The following FGF14 variants were observed in gnomAD, a reference collection of about 807,000 sequenced individuals.
FGF14 encodes the protein fibroblast growth factor 14.
A neutral mutation model predicts 25.5 loss-of-function variants in FGF14; 5 were observed. The observed-to-expected ratio is 0.20, with a 90% confidence interval of 0.10 to 0.41. FGF14 has a LOEUF of 0.41. Among genes scored for constraint, FGF14 ranks in the 10% least tolerant of loss-of-function variants. The pLI is 1.00. For synonymous variants in FGF14, 138 were observed against 118.3 expected (o/e 1.17, Z -1.08); for missense variants, 222 against 320.1 (o/e 0.69, Z 2.34).
At chr13:102,019,637 A>G (rs1741696352) in intron 1 of FGF14, among the ~76,000 whole-genome samples, 2 of 152,270 alleles carry the variant, frequency 1.3e-5, no homozygotes, top group South Asian at 2.1e-4. Context: ...TTTAAAGCAT[A>G]CTGATTAAAT....
chr13:102,123,494 A>C (rs1280725802), intron 1 of FGF14, among the ~76,000 whole-genome samples: 2 of 152,176 alleles, frequency 1.3e-5, no homozygotes, highest in Non-Finnish European at 2.9e-5. Context: ...CAAGACACTA[A>C]CACCCAGAAT....
At chr13:102,041,008 T>A (rs745514436) in intron 1 of FGF14, among the ~76,000 whole-genome samples, 2 of 152,014 alleles carry the variant, frequency 1.3e-5, no homozygotes, top group South Asian at 2.1e-4. Context: ...CACCCTACCA[T>A]ACCCAGCAGG....
chr13:102,135,951 C>T (rs555961770), intron 1 of FGF14, among the ~76,000 whole-genome samples: 2 of 152,122 alleles, frequency 1.3e-5, no homozygotes, highest in Non-Finnish European at 2.9e-5. Flanking sequence ...CCACCACGCC[C>T]GGCCCCCGTT....
chr13:101,960,435 A>G (rs2036777331), intron 1 of FGF14, among the ~76,000 whole-genome samples: 1 of 152,122 alleles, frequency 6.6e-6, no homozygotes, highest in South Asian at 2.1e-4. Context: ...TTCAGCACCC[A>G]CTTATAAGTG....
chr13:102,156,908 C>T (rs1034258367), intron 1 of FGF14, among the ~76,000 whole-genome samples: 14 of 152,112 alleles, frequency 9.2e-5, no homozygotes, highest in East Asian at 3.9e-4. Context: ...CCATTCACAA[C>T]TGCTTCAAAG....
chr13:102,145,075 T>G (rs1421624202), intron 1 of FGF14, among the ~76,000 whole-genome samples: 1 of 152,144 alleles, frequency 6.6e-6, no homozygotes, highest in Admixed American at 6.6e-5. Context: ...GTGATTTGGG[T>G]TGCCAACAGT....
chr13:102,136,452 T>TAACAAC (rs139258268), intron 1 of FGF14, among the ~76,000 whole-genome samples: 2 of 152,128 alleles, frequency 1.3e-5, no homozygotes, highest in African/African-American at 4.8e-5. Context: ...ATGCCTCCCA[T>TAACAAC]AACAACAACA....
rs565662353 is a variant in FGF14, at chr13:102,272,227, C to T, written c.208+129244G>A. ...TTCCCTCTTTCACTTTCTTGGCTTG[C>T]TTTTTATTATCATGAAATTTGAGTT... On this transcript the variant is annotated intron_variant, in intron 1 of 4. Coordinates refer to the FGF14 transcript ENST00000376131. Among the ~76,000 whole-genome samples the T allele has an allele frequency of 3.0e-4, 45 of 152,214 alleles. No individual in the cohort carries two copies. In the East Asian group the frequency reaches 7.7e-3, roughly 26 times the overall value.
chr13:102,006,727 C>CTTTTTTTTTTTTTTTTTTTTTTTTT (rs774872814), intron 1 of FGF14, among the ~76,000 whole-genome samples: 4 of 61,966 alleles, frequency 6.5e-5, no homozygotes, highest in African/African-American at 2.9e-4. Context: ...AATCTTACTT[C>CTTTTTTTTTTTTTTTTTTTTTTTTT]TTTTTTTTTT....
intron 3 of FGF14, among the ~76,000 whole-genome samples, chr13:101,743,120 A>G (rs1210207777): frequency 1.3e-5 from 2 of 152,220 alleles, no homozygotes; most frequent in African/African-American, 4.8e-5. Flanking sequence ...ATGTAGCCCT[A>G]AAATGTATAA....
At chr13:101,871,763 T>C (rs1255463620) in intron 2 of FGF14, among the ~76,000 whole-genome samples, 3 of 152,090 alleles carry the variant, frequency 2.0e-5, no homozygotes, top group Non-Finnish European at 1.5e-5. Flanking sequence ...GAACTTTAAA[T>C]GAGAGTGGTA....
At chr13:101,841,501 A>G (rs1236272891) in intron 3 of FGF14, among the ~76,000 whole-genome samples, 1 of 152,024 alleles carries the variant, frequency 6.6e-6, no homozygotes, top group Non-Finnish European at 1.5e-5. Flanking sequence ...CATACATATT[A>G]TTTACTACTG....
chr13:102,316,395 G>C (rs780963765), intron 1 of FGF14, among the ~76,000 whole-genome samples: 1 of 152,108 alleles, frequency 6.6e-6, no homozygotes, highest in Non-Finnish European at 1.5e-5. Flanking sequence ...TCGCTCGCCT[G>C]AATATTTCTA....
chr13:102,333,819 G>A (rs2138852772), intron 1 of FGF14, among the ~76,000 whole-genome samples: 1 of 152,272 alleles, frequency 6.6e-6, no homozygotes, highest in African/African-American at 2.4e-5. Context: ...AGCGTGTAAA[G>A]GGCTCTTCCC....
At chr13:101,857,716 C>T (rs1410167560) in intron 3 of FGF14, among the ~76,000 whole-genome samples, 2 of 152,014 alleles carry the variant, frequency 1.3e-5, no homozygotes, top group Non-Finnish European at 2.9e-5. Flanking sequence ...CTATCTTTGT[C>T]ATCACTATTT....
At chr13:102,069,904 T>C (rs1012991843) in intron 1 of FGF14, among the ~76,000 whole-genome samples, 1 of 152,152 alleles carries the variant, frequency 6.6e-6, no homozygotes, top group African/African-American at 2.4e-5. Flanking sequence ...CGGGTGGAAC[T>C]CCTGACCTCA....
chr13:102,076,385 T>G (rs1347508055), intron 1 of FGF14, among the ~76,000 whole-genome samples: 2 of 152,228 alleles, frequency 1.3e-5, no homozygotes, highest in African/African-American at 2.4e-5. Context: ...TACAGGTTTG[T>G]GGCCTAGAAG....
Position 101,720,680 on chromosome 13 carries a change from A to T in FGF14, c.*2151T>A, listed in dbSNP as rs1329725345. On this transcript the variant is annotated 3_prime_UTR_variant, in exon 5 of 5. Transcript: ENST00000376143. ...CATATAGTTGGCCACATATTATGGGATCTATGTTTTCTGAAAATAATTGGT... is the reference window on the plus strand; with the variant it reads ...CATATAGTTGGCCACATATTATGGGTTCTATGTTTTCTGAAAATAATTGGT... The T allele has an allele frequency of 6.6e-6, 1 of 152,032 alleles. No homozygotes were observed. Among genetic ancestry groups the T allele is most frequent in the Admixed American group, 6.6e-5 (1 of 15,218 alleles). 9.4% of individuals were successfully genotyped at this position (152,032 alleles called of 1,614,324 possible). A position where few individuals can be genotyped will look rare whatever the true frequency, so the allele number is the denominator to read the frequency against.
intron 1 of FGF14, among the ~76,000 whole-genome samples, chr13:102,339,991 C>T (rs1268868185): frequency 2.6e-5 from 4 of 152,098 alleles, no homozygotes; most frequent in Admixed American, 6.5e-5. Context: ...TAACGACACA[C>T]GGAATAAGAA....
Sources: gnomAD v4.1 joint callset for allele counts (sites outside exome capture counted in the v4.1 genomes callset) on GRCh38, gnomAD v4.1.1 for gene constraint, MANE v1.5 for transcripts, NCBI Gene and HGNC (gene_info 2026-07-23, HGNC 2026-07-21) for gene names.